CBLB: variants seen among roughly 807,000 people sequenced by gnomAD.
CBLB encodes the protein Cbl proto-oncogene B.
CBLB carries 31 observed loss-of-function variants against 104.9 expected under a neutral mutation model. The observed-to-expected ratio is 0.30, with a 90% CI of 0.22 to 0.40. The LOEUF (loss-of-function observed/expected upper bound fraction) is 0.40. CBLB is among the 10% of genes least tolerant of loss of function. CBLB has a pLI of 1.00. For synonymous variants in CBLB, 440 were observed against 422.6 expected (o/e 1.04, Z -0.51); for missense variants, 1,062 against 1,214.6 (o/e 0.87, Z 1.87).
chr3:105,741,098 T>TTTG (rs1553758219), intron 6 of CBLB, among the ~76,000 whole-genome samples: 8 of 86,660 alleles, frequency 9.2e-5, no homozygotes, highest in Admixed American at 6.4e-4. Context: ...AATTAGGGTT[T>TTTG]TTTTTTTTTT....
At chr3:105,811,208 G>A (rs1005156368) in intron 3 of CBLB, among the ~76,000 whole-genome samples, 1 of 152,114 alleles carries the variant, frequency 6.6e-6, no homozygotes, top group African/African-American at 2.4e-5. Flanking sequence ...CAAGTTGATA[G>A]AACTAAATTT....
intron 18 of CBLB, among the ~76,000 whole-genome samples, chr3:105,665,442 T>TATATATATATAC (rs1182735970): frequency 2.5e-4 from 17 of 67,156 alleles, no homozygotes; most frequent in African/African-American, 7.3e-4. Flanking sequence ...TATATATATA[T>TATATATATATAC]ACACACACAC....
chr3:105,774,797 T>G (rs1307175226), intron 4 of CBLB, among the ~76,000 whole-genome samples: 1 of 152,226 alleles, frequency 6.6e-6, no homozygotes, highest in African/African-American at 2.4e-5. Flanking sequence ...ATTGACCTTA[T>G]GACAAGTAAA....
intron 4 of CBLB, 48 bp downstream of exon 4, chr3:105,776,348 T>TAA (rs748592781): frequency 6.5e-7 from 1 of 1,547,940 alleles, no homozygotes; most frequent in Non-Finnish European, 8.9e-7. Context: ...GAGGATACAG[T>TAA]AACCCTTGAA....
At chr3:105,829,666 C>CAAAAA (rs71627689) in intron 3 of CBLB, among the ~76,000 whole-genome samples, 6 of 47,020 alleles carry the variant, frequency 1.3e-4, no homozygotes, top group Admixed American at 3.0e-4. Flanking sequence ...AAGACCGTCC[C>CAAAAA]AAAAAAAAAA....
chr3:105,769,590 C>T (rs1363559288), intron 4 of CBLB, among the ~76,000 whole-genome samples: 1 of 151,958 alleles, frequency 6.6e-6, no homozygotes, highest in Non-Finnish European at 1.5e-5. Flanking sequence ...GGGTGACTGC[C>T]TATCCAAGCA....
At chr3:105,754,634 A>T (rs114484354) in intron 4 of CBLB, among the ~76,000 whole-genome samples, 1,911 of 152,268 alleles carry the variant, frequency 0.013, 40 homozygotes, top group African/African-American at 0.044. Context: ...TGACCCTTAC[A>T]ATTATAAACC....
chr3:105,689,170 A>C (rs1332428211), intron 13 of CBLB, among the ~76,000 whole-genome samples: 1 of 152,080 alleles, frequency 6.6e-6, no homozygotes, highest in Non-Finnish European at 1.5e-5. Context: ...CTCCCTAACT[A>C]GAGCTTAAAT....
At chr3:105,767,520 G>A (rs1033758448) in intron 4 of CBLB, among the ~76,000 whole-genome samples, 7 of 149,810 alleles carry the variant, frequency 4.7e-5, no homozygotes, top group African/African-American at 1.5e-4. Flanking sequence ...CCTTCATCTC[G>A]GGATACACAT....
At chr3:105,795,425 A>G (rs1047062552) in intron 3 of CBLB, among the ~76,000 whole-genome samples, 9 of 152,246 alleles carry the variant, frequency 5.9e-5, no homozygotes, top group African/African-American at 1.4e-4. Flanking sequence ...ATATGTGGAA[A>G]TATTACATAT....
intron 10 of CBLB, among the ~76,000 whole-genome samples, chr3:105,705,964 C>T (rs112866423): frequency 1.5e-3 from 227 of 152,096 alleles, no homozygotes; most frequent in African/African-American, 5.3e-3. Flanking sequence ...GGCAAGACCT[C>T]CTCTTTACTA....
At chr3:105,778,564 A>G (rs2079763129) in intron 3 of CBLB, among the ~76,000 whole-genome samples, 1 of 152,160 alleles carries the variant, frequency 6.6e-6, no homozygotes, top group Admixed American at 6.5e-5. Flanking sequence ...AAAGTTTAAA[A>G]AAAAACAGTC....
At chr3:105,711,663 G>A (rs2071105814) in intron 10 of CBLB, among the ~76,000 whole-genome samples, 1 of 152,080 alleles carries the variant, frequency 6.6e-6, no homozygotes, top group Non-Finnish European at 1.5e-5. Context: ...ACTTCCAGAA[G>A]TCTCAACCTA....
At chr3:105,743,184 G>A (rs1211992855) in intron 6 of CBLB, among the ~76,000 whole-genome samples, 2 of 152,136 alleles carry the variant, frequency 1.3e-5, no homozygotes, top group Non-Finnish European at 2.9e-5. Flanking sequence ...GGGGCCAGGA[G>A]TGGTGGCTCA....
Position 105,751,544 on chromosome 3 carries a change from A to G in CBLB, c.641T>C (p.Met214Thr). The part of the protein sequence containing the change: ...VHQISSGLEA[M>T]ALKSTIDLTC... ...TAAATCAATTGTTGATTTTAGAGCC[A>G]TTGCTTCCAGGCCAGAGCTAATCTG... is the stretch of plus-strand genomic sequence containing the variant. Residue 214 changes from methionine (M) to threonine (T), a missense_variant, in exon 5 of 19, where the codon ATG (methionine) becomes ACG (threonine). Met to Thr is a moderately conservative substitution (Grantham distance 81, BLOSUM62 -1). Transcript: ENST00000394030. 6.2e-7 allele frequency: 1 copy of G among 1,610,978 alleles called. No individual in the cohort carries two copies. The highest frequency in any genetic ancestry group is 1.1e-5 in the South Asian group (1 of 90,996).
chr3:105,736,455 A>G (rs1472462239), intron 8 of CBLB, among the ~76,000 whole-genome samples: 1 of 152,346 alleles, frequency 6.6e-6, no homozygotes, highest in Middle Eastern at 3.4e-3. Flanking sequence ...AAGATGCAGA[A>G]GTTCCCATGT....
Position 105,736,067 on chromosome 3 carries a change from A to G in CBLB, c.1071+1104T>C, listed in dbSNP as rs1432739148. ...CATGGGAAAGGAAATCTGGAGAATT[A>G]TAAGGTAAATTATTATCTACTGTCT... is the stretch of plus-strand genomic sequence containing the variant. On this transcript the variant is annotated intron_variant, in intron 8 of 18. Transcript: ENST00000394030. Among the ~76,000 whole-genome samples the G allele has an allele frequency of 3.3e-5, 5 of 152,342 alleles. No individual in the cohort carries two copies. In the East Asian group the frequency reaches 9.6e-4, roughly 29 times the overall value.
chr3:105,664,340 T>C (rs1440729991), intron 18 of CBLB, among the ~76,000 whole-genome samples: 1 of 152,174 alleles, frequency 6.6e-6, no homozygotes, highest in Non-Finnish European at 1.5e-5. Context: ...TAATGGATTG[T>C]CATACAATAA....
At chr3:105,851,000 A>T (rs533801925) in intron 3 of CBLB, among the ~76,000 whole-genome samples, 2 of 152,308 alleles carry the variant, frequency 1.3e-5, no homozygotes, top group South Asian at 4.1e-4. Flanking sequence ...ACTTATGCAT[A>T]CCCTGAAAAT....
Sources: gnomAD v4.1 joint callset for allele counts (sites outside exome capture counted in the v4.1 genomes callset) on GRCh38, gnomAD v4.1.1 for gene constraint, MANE v1.5 for transcripts, NCBI Gene and HGNC (gene_info 2026-07-23, HGNC 2026-07-21) for gene names.